Variants in ESRRB observed in about 807,000 individuals in gnomAD.
ESRRB encodes steroid hormone receptor ERR2.
In ESRRB, 16 loss-of-function variants were observed where a neutral mutation model predicts 46.0. That is an observed-to-expected ratio of 0.35 (90% CI 0.24 to 0.53). The LOEUF (loss-of-function observed/expected upper bound fraction) is 0.53, where lower values mean the gene tolerates loss of function less well. Among genes scored for constraint, ESRRB ranks in the 20% least tolerant of loss-of-function variants. The probability of loss-of-function intolerance (pLI) is 0.93; values close to 1 mark genes in which losing one functional copy is unlikely to be tolerated. For missense variants in ESRRB, 488 were observed against 607.4 expected (o/e 0.80, Z 2.07); for synonymous variants, 246 against 259.6 (o/e 0.95, Z 0.50).
chr14:76,489,445 C>CACACACACACACACACACA (rs1555344591), intron 5 of ESRRB, among the ~76,000 whole-genome samples: 1 of 129,600 alleles, frequency 7.7e-6, no homozygotes. Context: ...ATCTGGACAA[C>CACACACACACACACACACA]CACACACACA....
intron 1 of ESRRB, among the ~76,000 whole-genome samples, chr14:76,412,993 C>G (rs1316680956): frequency 6.6e-6 from 1 of 152,134 alleles, no homozygotes; most frequent in African/African-American, 2.4e-5. Context: ...TGGCTTGTGC[C>G]TTTAGAAAAA....
rs774418850 is a variant in ESRRB at position 76,491,604 on chromosome 14, G to A, written c.1008G>A (p.Ala336=). Residue 336 remains alanine, a synonymous_variant, in exon 6 of 7, where the codon GCG becomes GCA. Transcript: ENST00000644823. ...TGGATGAGGAGCACTCCCGCCTCGC[G>A]GGGCTGCTGGAGCTCTACCGGGCCA... The part of the protein sequence containing the change: ...YIMDEEHSRL[A]GLLELYRAIL... 5 of 1,586,406 alleles carry A rather than the reference G, an allele frequency of 3.2e-6. No individual in the cohort carries two copies. The highest frequency in any genetic ancestry group is 1.2e-5 in the South Asian group (1 of 86,812).
chr14:76,427,099 C>T (rs1228113529), intron 1 of ESRRB, among the ~76,000 whole-genome samples: 1 of 152,160 alleles, frequency 6.6e-6, no homozygotes, highest in Non-Finnish European at 1.5e-5. Context: ...CTTCTCTCTG[C>T]TGCCAGCTTC....
At chr14:76,362,401 A>G (rs1884475367) in intron 1 of ESRRB, among the ~76,000 whole-genome samples, 1 of 152,150 alleles carries the variant, frequency 6.6e-6, no homozygotes. Flanking sequence ...CCTGATTTGA[A>G]ATCCATCAGT....
intron 1 of ESRRB, among the ~76,000 whole-genome samples, chr14:76,350,698 C>T (rs964463142): frequency 4.6e-5 from 7 of 152,194 alleles, no homozygotes; most frequent in African/African-American, 1.4e-4. Flanking sequence ...TATCGAGGCA[C>T]TTTAGGGGGT....
chr14:76,491,099 A>G (rs1264047980), intron 5 of ESRRB, among the ~76,000 whole-genome samples: 1 of 152,190 alleles, frequency 6.6e-6, no homozygotes, highest in African/African-American at 2.4e-5. Flanking sequence ...TCCAGTATGT[A>G]CTCAGTCACT....
At chr14:76,422,329 G>A (rs1887001078) in intron 1 of ESRRB, among the ~76,000 whole-genome samples, 1 of 149,266 alleles carries the variant, frequency 6.7e-6, no homozygotes, top group African/African-American at 2.5e-5. Flanking sequence ...TCCTGCCTCA[G>A]CCTCCCAAGT....
chr14:76,474,073 C>T (rs962572616), intron 3 of ESRRB, among the ~76,000 whole-genome samples: 3 of 152,200 alleles, frequency 2.0e-5, no homozygotes, highest in Admixed American at 6.5e-5. Flanking sequence ...CCATCAGACC[C>T]ACTGGCATAT....
chr14:76,403,900 G>C (rs1339345482), intron 1 of ESRRB, among the ~76,000 whole-genome samples: 1 of 152,030 alleles, frequency 6.6e-6, no homozygotes, highest in African/African-American at 2.4e-5. Flanking sequence ...TGTAGTTTTA[G>C]TAGAGATGGG....
At chr14:76,330,900 C>G (rs1402280705) in intron 1 of ESRRB, among the ~76,000 whole-genome samples, 1 of 152,082 alleles carries the variant, frequency 6.6e-6, no homozygotes, top group Non-Finnish European at 1.5e-5. Flanking sequence ...AGGCTGGAGA[C>G]TCGGTCTTCA....
rs2140068153 is a variant in ESRRB at position 76,500,177 on chromosome 14, C to T, written c.*1719C>T. 1.2e-6 allele frequency: 1 copy of T among 856,380 alleles called. No individual in the cohort carries two copies. Among genetic ancestry groups the T allele is most frequent in the South Asian group, 1.8e-5 (1 of 56,668 alleles). The allele number at this position is 856,380 out of a possible 1,614,324, so 53.0% of individuals were successfully genotyped here. A position where few individuals can be genotyped will look rare whatever the true frequency, so the allele number is the denominator to read the frequency against. Reference sequence around the variant, plus strand: ...TGGGACGTGCTGAGGTCATCCCAGACAGGAGGGAGGGCTGGCTGAAATCCA... The same window carrying T: ...TGGGACGTGCTGAGGTCATCCCAGATAGGAGGGAGGGCTGGCTGAAATCCA... On this transcript the variant is annotated 3_prime_UTR_variant, in exon 7 of 7. Transcript: ENST00000644823.
At chr14:76,349,667 G>A (rs1884290757) in intron 1 of ESRRB, among the ~76,000 whole-genome samples, 1 of 152,168 alleles carries the variant, frequency 6.6e-6, no homozygotes, top group Non-Finnish European at 1.5e-5. Flanking sequence ...AAAAAGGAAA[G>A]CAGAGAGCAT....
At chr14:76,377,208 C>T (rs1007431507) in intron 1 of ESRRB, among the ~76,000 whole-genome samples, 2 of 152,214 alleles carry the variant, frequency 1.3e-5, no homozygotes, top group African/African-American at 4.8e-5. Context: ...CAGCCGGCGC[C>T]GCGAGAAGCG....
intron 3 of ESRRB, among the ~76,000 whole-genome samples, chr14:76,480,748 T>C (rs1889775095): frequency 1.3e-5 from 2 of 152,190 alleles, no homozygotes; most frequent in African/African-American, 4.8e-5. Context: ...ATCTAGGAAG[T>C]ACCAGAGTTT....
intron 1 of ESRRB, among the ~76,000 whole-genome samples, chr14:76,331,713 A>G (rs150486006): frequency 6.6e-6 from 1 of 151,742 alleles, no homozygotes; most frequent in South Asian, 2.1e-4. Flanking sequence ...GGCAGCAGTG[A>G]CCAGGAGGCC....
chr14:76,497,353 G>A lies in ESRRB; in HGVS notation c.1121-861G>A, dbSNP rs181954328. Among the ~76,000 whole-genome samples the A allele has an allele frequency of 2.2e-4, 34 of 152,228 alleles. No individual in the cohort carries two copies. In the East Asian group the frequency reaches 5.0e-3, roughly 23 times the overall value. On this transcript the variant is annotated intron_variant, in intron 6 of 6. Transcript: ENST00000644823. Reference sequence around the variant, plus strand: ...CTGACATTGACCAGGTGCTGATCACGCTCTGGGTAATGTGCTGCTTCAGTC... The same window carrying A: ...CTGACATTGACCAGGTGCTGATCACACTCTGGGTAATGTGCTGCTTCAGTC...
chr14:76,374,507 T>C (rs78768060), upstream of ESRRB, among the ~76,000 whole-genome samples: 3,331 of 152,198 alleles, frequency 0.022, 122 homozygotes, highest in African/African-American at 0.077. Flanking sequence ...GGGGCCTTTT[T>C]CCTAATTGCA....
chr14:76,318,243 GCA>G (rs1883825202), intron 1 of ESRRB, among the ~76,000 whole-genome samples: 1 of 152,180 alleles, frequency 6.6e-6, no homozygotes, highest in Non-Finnish European at 1.5e-5. Flanking sequence ...AAGTCCTTTA[GCA>G]GAGTTGGAAG....
At chr14:76,453,165 G>A (rs1289146834) in intron 2 of ESRRB, among the ~76,000 whole-genome samples, 7 of 152,292 alleles carry the variant, frequency 4.6e-5, no homozygotes, top group South Asian at 4.1e-4. Flanking sequence ...TCTTTAGAAG[G>A]AGAAGGGTTG....
Sources: allele counts gnomAD v4.1 joint callset (sites outside exome capture counted in the v4.1 genomes callset), GRCh38; gene constraint gnomAD v4.1.1; transcripts MANE v1.5; gene names NCBI Gene and HGNC (gene_info 2026-07-23, HGNC 2026-07-21).